The following SPOP variants were observed in gnomAD, a reference collection of about 807,000 sequenced individuals.
The protein encoded by SPOP is speckle type BTB/POZ protein.
SPOP carries 11 observed loss-of-function variants against 45.6 expected under a neutral mutation model. The observed-to-expected ratio is 0.24, with a 90% CI of 0.15 to 0.40. SPOP has a LOEUF of 0.40. SPOP is among the 10% of genes least tolerant of loss of function. The pLI is 1.00. For missense variants in SPOP, 152 were observed against 465.6 expected (o/e 0.33, Z 6.20); for synonymous variants, 166 against 166.3 (o/e 1.00, Z 0.01).
At chr17:49,673,463 G>T (rs964712790) in intron 1 of SPOP, among the ~76,000 whole-genome samples, 1 of 151,862 alleles carries the variant, frequency 6.6e-6, no homozygotes, top group Admixed American at 6.6e-5. Context: ...CCAAGATCGC[G>T]CCACTGCACT....
At chr17:49,646,085 T>C (rs1435210942) in intron 1 of SPOP, 1 of 152,234 alleles carries the variant, frequency 6.6e-6, no homozygotes, top group African/African-American at 2.4e-5. Flanking sequence ...AAAGCTCTAA[T>C]TGCCAAATAA....
chr17:49,659,000 A>G (rs1169104968), intron 1 of SPOP, among the ~76,000 whole-genome samples: 1 of 152,220 alleles, frequency 6.6e-6, no homozygotes, highest in Non-Finnish European at 1.5e-5. Flanking sequence ...GAGAAAATAA[A>G]AAGTGCAAAA....
chr17:49,629,609 C>A (rs1202247432), intron 1 of SPOP, among the ~76,000 whole-genome samples: 1 of 152,170 alleles, frequency 6.6e-6, no homozygotes, highest in East Asian at 1.9e-4. Flanking sequence ...AGATAGAAGA[C>A]AAATTCCCTG....
In SPOP at chr17:49,640,370, A is replaced by T. The variant is rs1038470207; in HGVS notation, c.-66-17494T>A. On this transcript the variant is annotated intron_variant, in intron 1 of 9. Coordinates refer to ENST00000504102, the MANE Select transcript of SPOP (RefSeq NM_001007228.2). ...TCTTGCAAATAATACAGTTTTTTTAAAAAAAAAGACAATTTAGGATGAGAA... is the reference window on the plus strand; with the variant it reads ...TCTTGCAAATAATACAGTTTTTTTATAAAAAAAGACAATTTAGGATGAGAA... Among the ~76,000 whole-genome samples the T allele has an allele frequency of 2.2e-4, 33 of 151,986 alleles. 1 individual carries two copies. Among genetic ancestry groups the T allele is most frequent in the South Asian group, 8.3e-4 (4 of 4,830 alleles).
intron 1 of SPOP, among the ~76,000 whole-genome samples, chr17:49,677,301 A>C (rs1214375965): frequency 6.6e-6 from 1 of 152,244 alleles, no homozygotes; most frequent in Non-Finnish European, 1.5e-5. Flanking sequence ...CTAGAACTAG[A>C]AGATACAGTG....
In SPOP at chr17:49,607,253, G is replaced by A; in HGVS notation, c.834C>T (p.Asp278=). 1 of 1,614,012 alleles carries A rather than the reference G, an allele frequency of 6.2e-7. No homozygotes were observed. Among genetic ancestry groups the A allele is most frequent in the Non-Finnish European group, 8.5e-7 (1 of 1,179,990 alleles). Residue 278 remains aspartate, a synonymous_variant, in exon 8 of 10, where the codon GAC becomes GAT. Transcript: ENST00000504102. ...TATTTTTCTATTCTTATCTTACCTT[G>A]TCAGCAGCTGCCAGCAAATCATCAG... ...KMADDLLAAA[D]KYALERLKVM...
chr17:49,626,906 C>T (rs950506942), intron 1 of SPOP, among the ~76,000 whole-genome samples: 1 of 152,046 alleles, frequency 6.6e-6, no homozygotes, highest in Non-Finnish European at 1.5e-5. Flanking sequence ...GGCTGGAGTG[C>T]AGTGGCGATC....
intron 1 of SPOP, among the ~76,000 whole-genome samples, chr17:49,677,066 G>T (rs2073208877): frequency 1.3e-5 from 2 of 152,182 alleles, no homozygotes; most frequent in Admixed American, 6.5e-5. Context: ...AAGTAAGAAG[G>T]CCGGTGCCCT....
intron 5 of SPOP, chr17:49,618,459 G>C (rs1281305564): frequency 2.3e-6 from 1 of 434,140 alleles, no homozygotes; most frequent in African/African-American, 2.1e-5. Context: ...CTGTGAGTTA[G>C]AGAGCTTTAC....
intron 1 of SPOP, among the ~76,000 whole-genome samples, chr17:49,629,082 A>G (rs1050966726): frequency 6.6e-6 from 1 of 151,422 alleles, no homozygotes; most frequent in African/African-American, 2.4e-5. Flanking sequence ...TCTCTACTAA[A>G]AACACAAAAA....
At chr17:49,626,145 T>C (rs2072326664) in intron 1 of SPOP, among the ~76,000 whole-genome samples, 1 of 152,204 alleles carries the variant, frequency 6.6e-6, no homozygotes, top group South Asian at 2.1e-4. Context: ...TAACTGATCA[T>C]GTTGCCCTCC....
At chr17:49,654,801 A>G (rs2072886404) in intron 1 of SPOP, among the ~76,000 whole-genome samples, 1 of 152,184 alleles carries the variant, frequency 6.6e-6, no homozygotes, top group Non-Finnish European at 1.5e-5. Context: ...GTAAATAAAT[A>G]AAATAAAATA....
At chr17:49,605,228 A>T (rs2071815498) in intron 8 of SPOP, among the ~76,000 whole-genome samples, 2 of 152,224 alleles carry the variant, frequency 1.3e-5, no homozygotes, top group African/African-American at 4.8e-5. Flanking sequence ...TAATTCTCTC[A>T]TAATTTTGAA....
At chr17:49,657,523 C>G (rs994791240) in intron 1 of SPOP, among the ~76,000 whole-genome samples, 4 of 150,560 alleles carry the variant, frequency 2.7e-5, no homozygotes, top group Non-Finnish European at 5.9e-5. Context: ...CTCGGCCTCT[C>G]GAGTAGCTGG....
At position 49,643,457 on chromosome 17, in the gene SPOP, C is replaced by A. The variant is rs2072696626; in HGVS notation, c.-66-20581G>T. ...TGAACAAAATTTAAATGTAATAATT[C>A]TAATCAAATATCGAGGTGAAGACAT... On this transcript the variant is annotated intron_variant, in intron 1 of 9. Coordinates refer to ENST00000504102, the MANE Select transcript of SPOP (RefSeq NM_001007228.2). 2.6e-5 allele frequency among the ~76,000 whole-genome samples: 4 copies of A among 152,314 alleles called. No individual in the cohort carries two copies. The South Asian group carries it at 8.3e-4, about 32-fold the overall frequency.
At chr17:49,631,564 C>T (rs773326939) in intron 1 of SPOP, among the ~76,000 whole-genome samples, 2 of 152,204 alleles carry the variant, frequency 1.3e-5, no homozygotes, top group Admixed American at 1.3e-4. Context: ...GAGGCTTATA[C>T]ATCGAGACCC....
chr17:49,627,229 G>A (rs1379878008), intron 1 of SPOP, among the ~76,000 whole-genome samples: 1 of 152,208 alleles, frequency 6.6e-6, no homozygotes, highest in East Asian at 1.9e-4. Context: ...AGCAACCTAA[G>A]CACTGCAGTG....
intron 1 of SPOP, among the ~76,000 whole-genome samples, chr17:49,629,062 C>T (rs1453327783): frequency 1.3e-5 from 2 of 152,090 alleles, no homozygotes; most frequent in Middle Eastern, 3.4e-3. Context: ...ACCAACATAG[C>T]GAAACCCCGT....
intron 1 of SPOP, among the ~76,000 whole-genome samples, chr17:49,658,393 T>C (rs1381122819): frequency 1.3e-5 from 2 of 152,224 alleles, no homozygotes; most frequent in Admixed American, 6.5e-5. Flanking sequence ...AAAAATACCA[T>C]GTTGATTTTT....
Sources: gnomAD v4.1 joint callset for allele counts (sites outside exome capture counted in the v4.1 genomes callset) on GRCh38, gnomAD v4.1.1 for gene constraint, MANE v1.5 for transcripts, NCBI Gene and HGNC (gene_info 2026-07-23, HGNC 2026-07-21) for gene names.